Variants in CPNE8 observed in about 807,000 individuals in gnomAD.
The protein encoded by CPNE8 is copine-8.
Under a neutral mutation model 81.5 loss-of-function variants are expected in CPNE8, and 45 were observed. That is an observed-to-expected ratio of 0.55 (90% CI 0.44 to 0.71). CPNE8 has a LOEUF of 0.71. Ranked by LOEUF, CPNE8 falls within the 30% of genes least tolerant of loss-of-function variation. The probability of loss-of-function intolerance (pLI) is 0.00; values close to 1 mark genes in which losing one functional copy is unlikely to be tolerated. For synonymous variants in CPNE8, 252 were observed against 226.3 expected (o/e 1.11, Z -1.02); for missense variants, 594 against 672.1 (o/e 0.88, Z 1.28).
rs565830735 is a variant in CPNE8, at chr12:38,683,241, G to A, written c.1271+2249C>T. 8.6e-5 allele frequency among the ~76,000 whole-genome samples: 13 copies of A among 152,002 alleles called. No homozygotes were observed. The South Asian group carries it at 2.7e-3, about 32-fold the overall frequency. The stretch of plus-strand genomic sequence containing the variant: ...CTTCTAGAAAATGACAATAAATACT[G>A]AGCTTTTACCCACATAGAAAATATA... On this transcript the variant is annotated intron_variant, in intron 16 of 19. Coordinates refer to ENST00000331366, the MANE Select transcript of CPNE8 (RefSeq NM_153634.3).
chr12:38,904,842 C>T (rs1944544072), intron 1 of CPNE8, among the ~76,000 whole-genome samples: 1 of 152,124 alleles, frequency 6.6e-6, no homozygotes, highest in South Asian at 2.1e-4. Flanking sequence ...AAAGTCGTGA[C>T]TTCCCAGATC....
intron 8 of CPNE8, 23 bp from the exon 9 acceptor site, chr12:38,762,239 TA>T: frequency 7.4e-7 from 1 of 1,343,150 alleles, no homozygotes; most frequent in Non-Finnish European, 1.0e-6. Context: ...AGTTTTCAGT[TA>T]TTTGCATGCT....
chr12:38,740,623 C>G (rs994197658), intron 10 of CPNE8, among the ~76,000 whole-genome samples: 2 of 152,106 alleles, frequency 1.3e-5, no homozygotes, highest in African/African-American at 2.4e-5. Flanking sequence ...TTGTCAAAGG[C>G]CTTTTCTGCA....
In CPNE8 at chr12:38,716,125, A is replaced by G. The variant is rs192539651; in HGVS notation, c.914+7647T>C. 3.0e-4 allele frequency among the ~76,000 whole-genome samples: 46 copies of G among 152,272 alleles called. No individual in the cohort carries two copies. The East Asian group carries it at 7.9e-3, about 26-fold the overall frequency. On this transcript the variant is annotated intron_variant, in intron 13 of 19. Coordinates refer to ENST00000331366, the MANE Select transcript of CPNE8 (RefSeq NM_153634.3). ...AAAGATCTCCACAAGAAAAACTACA[A>G]AACACTGCTGAAAGAAATCATAGAT...
chr12:38,797,562 C>G (rs577743771), intron 6 of CPNE8, among the ~76,000 whole-genome samples: 52 of 152,190 alleles, frequency 3.4e-4, no homozygotes, highest in Admixed American at 2.8e-3. Flanking sequence ...TCACCATCAT[C>G]AAAGACCAAA....
chr12:38,884,177 C>T (rs1216177897), intron 1 of CPNE8, among the ~76,000 whole-genome samples: 1 of 152,082 alleles, frequency 6.6e-6, no homozygotes, highest in African/African-American at 2.4e-5. Context: ...CACCCTGAAC[C>T]CATCAAAAAT....
intron 6 of CPNE8, among the ~76,000 whole-genome samples, chr12:38,780,753 A>C (rs1280791093): frequency 6.6e-6 from 1 of 152,104 alleles, no homozygotes; most frequent in Admixed American, 6.6e-5. Flanking sequence ...GTAAACAGTA[A>C]AGATCTATTC....
At chr12:38,666,434 G>A (rs560359528) in intron 19 of CPNE8, among the ~76,000 whole-genome samples, 1 of 152,108 alleles carries the variant, frequency 6.6e-6, no homozygotes, top group South Asian at 2.1e-4. Flanking sequence ...AACAATGACC[G>A]GTATTTTTAG....
intron 6 of CPNE8, among the ~76,000 whole-genome samples, chr12:38,807,155 T>C (rs1942828504): frequency 6.6e-6 from 1 of 151,678 alleles, no homozygotes; most frequent in Non-Finnish European, 1.5e-5. Flanking sequence ...AGAATCAATA[T>C]CGTGAAAATG....
chr12:38,851,969 C>T (rs1313809662), intron 3 of CPNE8, among the ~76,000 whole-genome samples: 3 of 152,134 alleles, frequency 2.0e-5, no homozygotes, highest in African/African-American at 7.2e-5. Flanking sequence ...ATGTTCTTAA[C>T]CCCATCCTTG....
intron 1 of CPNE8, among the ~76,000 whole-genome samples, chr12:38,893,128 T>C (rs1944338139): frequency 6.6e-6 from 1 of 152,110 alleles, no homozygotes; most frequent in Admixed American, 6.6e-5. Context: ...GTTAAACTGT[T>C]TGGAGGAAAT....
intron 7 of CPNE8, among the ~76,000 whole-genome samples, chr12:38,769,089 T>C (rs1448917661): frequency 6.6e-6 from 1 of 152,162 alleles, no homozygotes; most frequent in African/African-American, 2.4e-5. Flanking sequence ...ACTCATTTTC[T>C]TACTTAGCAA....
chr12:38,702,698 CTT>C (rs573385506), intron 14 of CPNE8, among the ~76,000 whole-genome samples, 175 bp downstream of exon 14: 34 of 151,814 alleles, frequency 2.2e-4, no homozygotes, highest in African/African-American at 7.5e-4. Flanking sequence ...TATTTCTAGT[CTT>C]TTGTATATTT....
chr12:38,858,576 G>A (rs1422292063), intron 3 of CPNE8, among the ~76,000 whole-genome samples: 1 of 152,166 alleles, frequency 6.6e-6, no homozygotes, highest in East Asian at 1.9e-4. Context: ...AGGTCATTAG[G>A]TTGTTGTCAT....
chr12:38,811,799 G>A (rs1942941129), intron 6 of CPNE8, among the ~76,000 whole-genome samples: 1 of 152,178 alleles, frequency 6.6e-6, no homozygotes, highest in Non-Finnish European at 1.5e-5. Context: ...TTGAGCCCAT[G>A]AGTTCGAGGC....
intron 6 of CPNE8, among the ~76,000 whole-genome samples, chr12:38,796,842 C>T (rs1335903090): frequency 6.6e-6 from 1 of 152,150 alleles, no homozygotes; most frequent in Non-Finnish European, 1.5e-5. Context: ...CACTCCCACC[C>T]TAATACTGCG....
intron 10 of CPNE8, among the ~76,000 whole-genome samples, chr12:38,750,003 G>T (rs188223372): frequency 6.6e-6 from 1 of 152,252 alleles, no homozygotes; most frequent in East Asian, 1.9e-4. Flanking sequence ...ATGCCTAGGA[G>T]AAAATGGTTT....
chr12:38,732,476 A>G (rs568303073), intron 10 of CPNE8, among the ~76,000 whole-genome samples: 2 of 152,108 alleles, frequency 1.3e-5, no homozygotes, highest in East Asian at 1.9e-4. Flanking sequence ...GTAAGCCTCT[A>G]CAGAATTGAG....
rs541357859 is a variant in CPNE8 at position 38,762,280 on chromosome 12, G to A, written c.576-64C>T. 11 of 864,918 alleles carry A rather than the reference G, an allele frequency of 1.3e-5. No homozygotes were observed. The East Asian group carries it at 2.8e-4, about 22-fold the overall frequency. 53.6% of individuals were successfully genotyped at this position (864,918 alleles called of 1,614,324 possible). A position where few individuals can be genotyped will look rare whatever the true frequency, so the allele number is the denominator to read the frequency against. On this transcript the variant is annotated intron_variant, in intron 8 of 19. Coordinates refer to ENST00000331366, the MANE Select transcript of CPNE8 (RefSeq NM_153634.3). ...CTATTTTAATTGATCTATTGTTTTA[G>A]TAGCCATTCCTCTGCTTACTTTTTG...
Sources: gnomAD v4.1 joint callset for allele counts (sites outside exome capture counted in the v4.1 genomes callset) on GRCh38, gnomAD v4.1.1 for gene constraint, MANE v1.5 for transcripts, NCBI Gene and HGNC (gene_info 2026-07-23, HGNC 2026-07-21) for gene names.